MSS51: variants seen among roughly 807,000 people sequenced by gnomAD.
The protein encoded by MSS51 is putative protein MSS51 homolog, mitochondrial.
Under a neutral mutation model 40.2 loss-of-function variants are expected in MSS51, and 32 were observed. That is an observed-to-expected ratio of 0.80 (90% CI 0.60 to 1.07). The LOEUF is 1.07. Ranked by LOEUF, MSS51 falls within the 50% of genes least tolerant of loss-of-function variation. MSS51 has a pLI of 0.00. For missense variants in MSS51, 518 were observed against 568.9 expected, an observed-to-expected ratio of 0.91 and a Z score of 0.91; for synonymous variants, 178 against 214.2, an observed-to-expected ratio of 0.83 and a Z score of 1.48.
In MSS51 at chr10:73,425,099, TGTAAACA is replaced by T. The variant is rs999725787; in HGVS notation, c.1155_1161del (p.Val386AlafsTer65). On this transcript the variant is annotated frameshift_variant and splice_region_variant, in exon 6 of 7. Coordinates refer to ENST00000299432, the MANE Select transcript of MSS51 (RefSeq NM_001024593.2). LOFTEE classifies it high-confidence loss of function. ...TCACAAATAGGATGAGGTCAAAACC[TGTAAACA>T]GTAATCAATGTAGGAATCTTATAGT... 6.2e-7 allele frequency: 1 copy of T among 1,610,840 alleles called. No individual in the cohort carries two copies. Among genetic ancestry groups the T allele is most frequent in the African/African-American group, 1.3e-5 (1 of 74,940 alleles).
chr10:73,427,949 G>C, intron 2 of MSS51, 115 bp downstream of exon 2: 2 of 1,221,366 alleles, frequency 1.6e-6, no homozygotes, highest in Non-Finnish European at 2.3e-6. Flanking sequence ...AAAAGGATGA[G>C]AAAATCTCTT....
intron 1 of MSS51, among the ~76,000 whole-genome samples, 190 bp downstream of exon 1, chr10:73,433,323 G>A (rs896384755): frequency 5.3e-5 from 8 of 152,056 alleles, no homozygotes; most frequent in African/African-American, 7.2e-5. Flanking sequence ...GTAGGGAGAA[G>A]GAAGACTGAA....
At chr10:73,426,861 T>A in intron 3 of MSS51, 130 bp from the exon 4 acceptor site, 3 of 1,037,098 alleles carry the variant, frequency 2.9e-6, no homozygotes, top group Non-Finnish European at 4.2e-6. Flanking sequence ...TGAGAGCTGA[T>A]GCACCAATTT....
chr10:73,433,143 T>A (rs2056041391), intron 1 of MSS51, among the ~76,000 whole-genome samples: 1 of 152,106 alleles, frequency 6.6e-6, no homozygotes, highest in South Asian at 2.1e-4. Flanking sequence ...ATGTCCAAAT[T>A]CAAGACAAAA....
intron 3 of MSS51, 40 bp from the exon 4 acceptor site, chr10:73,426,771 A>G: frequency 6.2e-7 from 1 of 1,604,460 alleles, no homozygotes; most frequent in Non-Finnish European, 8.5e-7. Context: ...TACTATAAAT[A>G]TGATTGGGGT....
At chr10:73,433,126 A>G (rs2056041271) in intron 1 of MSS51, among the ~76,000 whole-genome samples, 1 of 152,146 alleles carries the variant, frequency 6.6e-6, no homozygotes, top group Admixed American at 6.5e-5. Context: ...AAAAACTTTT[A>G]TCCTTCATGT....
rs781347033 is a variant in MSS51 at position 73,426,738 on chromosome 10, G to A, written c.378-7C>T. On this transcript the variant is annotated splice_polypyrimidine_tract_variant and splice_region_variant and intron_variant, in intron 3 of 6. Transcript: ENST00000299432. ...GTAATAGACATTTCTGCACCTGAGA[G>A]AATGAGAGAGAAATAGTTCTTATAC... The A allele has an allele frequency of 1.2e-6, 2 of 1,613,712 alleles. No individual in the cohort carries two copies. The highest frequency in any genetic ancestry group is 1.1e-5 in the South Asian group (1 of 91,010).
intron 6 of MSS51, 44 bp downstream of exon 6, chr10:73,425,054 G>A: frequency 7.0e-7 from 1 of 1,436,892 alleles, no homozygotes; most frequent in South Asian, 1.1e-5. Flanking sequence ...TATAAAGAGA[G>A]ATGTAAAGTC....
At chr10:73,431,122 G>A (rs973454353) in intron 1 of MSS51, among the ~76,000 whole-genome samples, 2 of 152,152 alleles carry the variant, frequency 1.3e-5, no homozygotes, top group Admixed American at 6.5e-5. Flanking sequence ...GCTAAGGGCT[G>A]GGTGGAAGGG....
At chr10:73,425,277 C>A in intron 5 of MSS51, 86 bp from the exon 6 acceptor site, 1 of 782,576 alleles carries the variant, frequency 1.3e-6, no homozygotes. Context: ...GAGCACCCCA[C>A]CCCTCACCTT....
rs563723468 is a variant in MSS51 at position 73,425,191 on chromosome 10, C to A, written c.1070G>T (p.Gly357Val). 3.2e-6 allele frequency: 5 copies of A among 1,579,266 alleles called. No individual in the cohort carries two copies. Among genetic ancestry groups the A allele is most frequent in the Non-Finnish European group, 4.3e-6 (5 of 1,167,122 alleles). The change falls in exon 6 of 7, where the codon GGT becomes GTT. Residue 357 changes from glycine to valine, a missense_variant and splice_region_variant. Gly to Val is a moderately radical substitution (Grantham distance 109). Coordinates refer to ENST00000299432, the MANE Select transcript of MSS51 (RefSeq NM_001024593.2). Reference sequence around the variant, plus strand: ...CATCAAGTCTGGGGAGGAATGAAAACCTGTGGAACAAAAATGAAAATGGGA... The same window carrying A: ...CATCAAGTCTGGGGAGGAATGAAAAACTGTGGAACAAAAATGAAAATGGGA... ...HPDLVAAFHP[G>V]FHSSPDLMEA...
At position 73,425,888 on chromosome 10, in the gene MSS51, A is replaced by T; in HGVS notation, c.992T>A (p.Leu331His). The change falls in exon 5 of 7, where the codon CTC becomes CAC. Residue 331 changes from leucine to histidine, a missense_variant. Transcript: ENST00000299432. ...TTGCTCCTCCCAGAAGTCATGGTAG[A>T]GGCCCCTGTGGGCACTAAGCTGAAT... ...GTIQLSAHRG[L>H]YHDFWEEQVE... 3 of 1,614,152 alleles carry T rather than the reference A, an allele frequency of 1.9e-6. No homozygotes were observed. Among genetic ancestry groups the T allele is most frequent in the Non-Finnish European group, 2.5e-6 (3 of 1,180,032 alleles).
At chr10:73,425,601 G>A (rs1295893786) in intron 5 of MSS51, among the ~76,000 whole-genome samples, 4 of 150,570 alleles carry the variant, frequency 2.7e-5, no homozygotes, top group African/African-American at 9.8e-5. Flanking sequence ...GGTGGAGCTT[G>A]CAGTGAGCCG....
At chr10:73,425,707 T>C in intron 5 of MSS51, 104 bp downstream of exon 5, 2 of 960,190 alleles carry the variant, frequency 2.1e-6, no homozygotes, top group Non-Finnish European at 3.1e-6. Flanking sequence ...GTCATCATAT[T>C]GTGTTTAATG....
chr10:73,430,693 C>G (rs1190924555), intron 1 of MSS51, among the ~76,000 whole-genome samples: 2 of 151,746 alleles, frequency 1.3e-5, no homozygotes, highest in African/African-American at 4.8e-5. Context: ...GGTGCCACCA[C>G]CATAGAAAAC....
chr10:73,427,598 C>A lies in MSS51; in HGVS notation c.377+15G>T. 6.3e-7 allele frequency: 1 copy of A among 1,596,508 alleles called. No individual in the cohort carries two copies. The highest frequency in any genetic ancestry group is 8.6e-7 in the Non-Finnish European group (1 of 1,168,092). The stretch of plus-strand genomic sequence containing the variant: ...TCATTTCTGAATGTCTCCCTATTAG[C>A]CCCCAACAAGTCACCTCTTACAGTG... On this transcript the variant is annotated intron_variant, in intron 3 of 6. Coordinates refer to ENST00000299432, the MANE Select transcript of MSS51 (RefSeq NM_001024593.2).
chr10:73,432,573 T>G (rs980859225), intron 1 of MSS51, among the ~76,000 whole-genome samples: 5 of 152,214 alleles, frequency 3.3e-5, no homozygotes, highest in Non-Finnish European at 7.3e-5. Flanking sequence ...AAAGGAAGAT[T>G]AGCTCTTGGC....
intron 2 of MSS51, 85 bp from the exon 3 acceptor site, chr10:73,427,853 C>T: frequency 1.4e-6 from 2 of 1,480,544 alleles, no homozygotes; most frequent in African/African-American, 2.8e-5. Flanking sequence ...GTCTCCTACA[C>T]ATTTCCACTT....
chr10:73,425,293 T>C, intron 5 of MSS51, 102 bp from the exon 6 acceptor site: 1 of 688,838 alleles, frequency 1.5e-6, no homozygotes, highest in East Asian at 2.7e-5. Context: ...ACCTTGCTTA[T>C]CCCCAGTCAT....
Sources: gnomAD v4.1 joint callset for allele counts (sites outside exome capture counted in the v4.1 genomes callset) on GRCh38, gnomAD v4.1.1 for gene constraint, MANE v1.5 for transcripts, NCBI Gene and HGNC (gene_info 2026-07-23, HGNC 2026-07-21) for gene names.